USP30: variants seen among roughly 807,000 people sequenced by gnomAD.
USP30 encodes the protein ubiquitin carboxyl-terminal hydrolase 30.
A neutral mutation model predicts 68.2 loss-of-function variants in USP30; 41 were observed. The ratio of observed to expected loss-of-function variants is 0.60; its 90% CI spans 0.47 to 0.78. The LOEUF (loss-of-function observed/expected upper bound fraction) is 0.78. Among genes scored for constraint, USP30 ranks in the 30% least tolerant of loss-of-function variants. USP30 has a pLI of 0.00. For synonymous variants in USP30, 229 were observed against 253.7 expected, an observed-to-expected ratio of 0.90 and a Z score of 0.93; for missense variants, 522 against 649.4, an observed-to-expected ratio of 0.80 and a Z score of 2.13.
chr12:109,075,720 AT>A (rs1230794048), intron 7 of USP30, among the ~76,000 whole-genome samples: 1 of 151,358 alleles, frequency 6.6e-6, no homozygotes, highest in Non-Finnish European at 1.5e-5. Context: ...TTTTATTTGC[AT>A]TTCCCTGATG....
chr12:109,076,410 CT>C (rs60618572), intron 7 of USP30, among the ~76,000 whole-genome samples: 111,155 of 135,642 alleles, frequency 0.82, 45,213 homozygotes, highest in East Asian at 0.96. Context: ...ATCTTTATTC[CT>C]TTTTTTTTTT....
In USP30 at chr12:109,086,090, C is replaced by T; in HGVS notation, c.*159C>T. 9.2e-7 allele frequency: 1 copy of T among 1,082,828 alleles called. No individual in the cohort carries two copies. The highest frequency in any genetic ancestry group is 1.6e-5 in the African/African-American group (1 of 62,878). The allele number at this position is 1,082,828 out of a possible 1,614,324, so 67.1% of individuals were successfully genotyped here. A position where few individuals can be genotyped will look rare whatever the true frequency, so the allele number is the denominator to read the frequency against. On this transcript the variant is annotated 3_prime_UTR_variant, in exon 13 of 13. Transcript: ENST00000257548. ...CCACCTGGGAGCCAGCCCCAGTTCA[C>T]ACCAAACCAGGCTCCCTGAACAGTC...
chr12:109,080,218 CT>C (rs897864909), intron 7 of USP30, among the ~76,000 whole-genome samples: 9 of 152,170 alleles, frequency 5.9e-5, no homozygotes, highest in African/African-American at 1.9e-4. Context: ...GGCATTTCCC[CT>C]GGTCTCTCCA....
chr12:109,048,121 C>T (rs2040622492), upstream of USP30, among the ~76,000 whole-genome samples: 1 of 150,202 alleles, frequency 6.7e-6, no homozygotes, highest in Non-Finnish European at 1.5e-5. Context: ...CTCTGTTGGC[C>T]AGGCTGTGTG....
At chr12:109,068,319 G>A (rs937853316) in intron 4 of USP30, among the ~76,000 whole-genome samples, 4 of 152,086 alleles carry the variant, frequency 2.6e-5, no homozygotes, top group African/African-American at 9.7e-5. Flanking sequence ...GTTGTCTGCC[G>A]CCACTATCCA....
chr12:109,072,982 C>T (rs943506273), intron 6 of USP30, among the ~76,000 whole-genome samples: 1 of 152,184 alleles, frequency 6.6e-6, no homozygotes, highest in Non-Finnish European at 1.5e-5. Context: ...CTGGGCTGCA[C>T]AACTCCAGAG....
chr12:109,052,617 C>CG lies in USP30; in HGVS notation c.-60dup, dbSNP rs2040695034. The CG allele has an allele frequency of 1.0e-6, 1 of 959,788 alleles. No individual in the cohort carries two copies. The allele number at this position is 959,788 out of a possible 1,614,324, so 59.5% of individuals were successfully genotyped here. ...CTGTCTCGGGAACCGTCGTATCCCT[C>CG]GGTCCGGCGGCGGCGGCGGCGGTAG... On this transcript the variant is annotated 5_prime_UTR_variant, in exon 1 of 13. Coordinates refer to ENST00000257548, the MANE Select transcript of USP30 (RefSeq NM_032663.5).
chr12:109,084,689 A>G (rs1204923365), intron 11 of USP30, among the ~76,000 whole-genome samples: 1 of 152,262 alleles, frequency 6.6e-6, no homozygotes, highest in African/African-American at 2.4e-5. Flanking sequence ...GGCATTAGCA[A>G]ACAGGGCTAG....
At chr12:109,045,729 T>C (rs574747353) in intron 3 of USP30, among the ~76,000 whole-genome samples, 2 of 152,246 alleles carry the variant, frequency 1.3e-5, no homozygotes, top group African/African-American at 4.8e-5. Flanking sequence ...TTTTGGCAGG[T>C]GGTTGCAATC....
At chr12:109,082,501 G>A (rs943713400) in intron 9 of USP30, 162 bp from the exon 10 acceptor site, 3 of 643,576 alleles carry the variant, frequency 4.7e-6, no homozygotes, top group Non-Finnish European at 5.5e-6. Context: ...GACTAAGAGG[G>A]ATCAGGGAAA....
At chr12:109,061,393 TAA>T (rs57688181) in intron 3 of USP30, among the ~76,000 whole-genome samples, 6,611 of 138,870 alleles carry the variant, frequency 0.048, 446 homozygotes, top group African/African-American at 0.15. Flanking sequence ...AACTTTGGTT[TAA>T]AAAAAAAAAA....
At chr12:109,046,993 C>T (rs566766463) in intron 3 of USP30, among the ~76,000 whole-genome samples, 6 of 152,286 alleles carry the variant, frequency 3.9e-5, no homozygotes, top group African/African-American at 7.2e-5. Context: ...CCACTGCGCC[C>T]GGCCAGCTGG....
intron 3 of USP30, among the ~76,000 whole-genome samples, chr12:109,045,496 G>C (rs1420468583): frequency 2.6e-5 from 4 of 152,104 alleles, no homozygotes; most frequent in Non-Finnish European, 4.4e-5. Flanking sequence ...AGGCAGAATT[G>C]TCCAGCTTAA....
chr12:109,072,174 G>A (rs2041463148), intron 5 of USP30, 131 bp from the exon 6 acceptor site: 1 of 748,464 alleles, frequency 1.3e-6, no homozygotes, highest in African/African-American at 1.8e-5. Context: ...TTAGAAACCT[G>A]AGCTTTGTTA....
intron 1 of USP30, chr12:109,054,923 A>G (rs1331565175): frequency 6.6e-6 from 1 of 152,226 alleles, no homozygotes; most frequent in Non-Finnish European, 1.5e-5. Context: ...CAGGGTCAAT[A>G]TTACCACCAG....
At chr12:109,029,791 C>G (rs1371244154) in intron 3 of USP30, among the ~76,000 whole-genome samples, 2 of 152,074 alleles carry the variant, frequency 1.3e-5, no homozygotes, top group East Asian at 1.9e-4. Context: ...TATGGCAGTC[C>G]ATAACAGAGA....
intron 2 of USP30, among the ~76,000 whole-genome samples, chr12:109,026,269 C>T (rs1479277600): frequency 1.3e-5 from 2 of 150,922 alleles, no homozygotes; most frequent in African/African-American, 4.9e-5. Flanking sequence ...AGAGACAGGG[C>T]TTCACTGTGT....
At chr12:109,039,565 G>A (rs568558633) in intron 3 of USP30, among the ~76,000 whole-genome samples, 15 of 152,104 alleles carry the variant, frequency 9.9e-5, no homozygotes, top group African/African-American at 3.1e-4. Flanking sequence ...TCTAGTTCCC[G>A]AGAAAAAATG....
At chr12:109,029,500 C>G (rs2040466684) in intron 3 of USP30, among the ~76,000 whole-genome samples, 1 of 152,124 alleles carries the variant, frequency 6.6e-6, no homozygotes, top group South Asian at 2.1e-4. Context: ...TTTAGCTTCC[C>G]TATCTTAGTG....
Sources: gnomAD v4.1 joint callset for allele counts (sites outside exome capture counted in the v4.1 genomes callset) on GRCh38, gnomAD v4.1.1 for gene constraint, MANE v1.5 for transcripts, NCBI Gene and HGNC (gene_info 2026-07-23, HGNC 2026-07-21) for gene names.